EXT2: variants seen among roughly 807,000 people sequenced by gnomAD.
EXT2 encodes the protein exostosin glycosyltransferase 2, also known as exostosin-2.
EXT2 carries 53 observed loss-of-function variants against 81.6 expected under a neutral mutation model. The ratio of observed to expected loss-of-function variants is 0.65; its 90% CI spans 0.52 to 0.82. The LOEUF (loss-of-function observed/expected upper bound fraction) is 0.82, where lower values mean the gene tolerates loss of function less well. Ranked by LOEUF, EXT2 falls within the 40% of genes least tolerant of loss-of-function variation. The pLI is 0.00. For synonymous variants in EXT2, 320 were observed against 340.0 expected, an observed-to-expected ratio of 0.94 and a Z score of 0.65; for missense variants, 774 against 910.2, an observed-to-expected ratio of 0.85 and a Z score of 1.93.
intron 8 of EXT2, among the ~76,000 whole-genome samples, chr11:44,179,911 T>C (rs1472609611): frequency 6.6e-6 from 1 of 152,198 alleles, no homozygotes; most frequent in Non-Finnish European, 1.5e-5. Flanking sequence ...TGTCTCCCAA[T>C]TGATTAATAT....
intron 13 of EXT2, among the ~76,000 whole-genome samples, chr11:44,240,628 G>A (rs971833013): frequency 6.6e-6 from 1 of 152,184 alleles, no homozygotes; most frequent in Non-Finnish European, 1.5e-5. Flanking sequence ...AGTATGAGTC[G>A]ACAGTGAGGA....
At chr11:44,232,861 T>C (rs1308472024) in intron 11 of EXT2, among the ~76,000 whole-genome samples, 2 of 152,348 alleles carry the variant, frequency 1.3e-5, no homozygotes, top group East Asian at 1.9e-4. Context: ...CCTTTTCTCA[T>C]GTCATTGACA....
At chr11:44,169,205 G>C (rs771127470) in intron 7 of EXT2, among the ~76,000 whole-genome samples, 1 of 151,908 alleles carries the variant, frequency 6.6e-6, no homozygotes, top group African/African-American at 2.4e-5. Flanking sequence ...GGGTGACAGA[G>C]TGAGACTCTG....
intron 7 of EXT2, among the ~76,000 whole-genome samples, chr11:44,147,142 T>G (rs1954729209): frequency 6.6e-6 from 1 of 152,218 alleles, no homozygotes; most frequent in Non-Finnish European, 1.5e-5. Context: ...CAGCACATAC[T>G]TGTACACCCT....
chr11:44,162,826 G>A (rs1954945054), intron 7 of EXT2, among the ~76,000 whole-genome samples: 1 of 152,084 alleles, frequency 6.6e-6, no homozygotes, highest in African/African-American at 2.4e-5. Flanking sequence ...TCCAGGAGTT[G>A]CATGTGGAGA....
intron 11 of EXT2, 42 bp downstream of exon 11, chr11:44,232,538 A>G: frequency 6.2e-7 from 1 of 1,611,346 alleles, no homozygotes; most frequent in Non-Finnish European, 8.5e-7. Flanking sequence ...AACTGAGAGA[A>G]TGATACACAT....
rs992333007 is a variant in EXT2 at position 44,095,819 on chromosome 11, G to A, written c.-64G>A. The A allele has an allele frequency of 6.0e-6, 1 of 166,964 alleles. No individual in the cohort carries two copies. Among genetic ancestry groups the A allele is most frequent in the African/African-American group, 2.4e-5 (1 of 41,648 alleles). 10.3% of individuals were successfully genotyped at this position (166,964 alleles called of 1,614,324 possible). ...CCCCGCGGCATGAGCCGGTGACCAA[G>A]CTCGGGGCCGAGCGGGAGGCAGCCG... On this transcript the variant is annotated 5_prime_UTR_variant, in exon 1 of 14. Transcript: ENST00000533608.
In EXT2 at chr11:44,244,158, C is replaced by T. The variant is rs1956070319; in HGVS notation, c.2028C>T (p.Cys676=). The T allele has an allele frequency of 1.2e-6, 2 of 1,614,052 alleles. No homozygotes were observed. The highest frequency in any genetic ancestry group is 8.5e-7 in the Non-Finnish European group (1 of 1,179,932). The change falls in exon 14 of 14, where the codon TGC becomes TGT. Residue 676 remains cysteine, a synonymous_variant. Transcript: ENST00000533608. The stretch of plus-strand genomic sequence containing the variant: ...TCTCCAAATCCCACAGGTCAGAGTG[C>T]ATCAACAAGTTTGCTTCAGTCTTCG... ...DQTHMVERSE[C]INKFASVFGT... is the part of the protein sequence containing the mutation.
chr11:44,130,137 A>C lies in EXT2; in HGVS notation c.1172A>C (p.Gln391Pro). 3 of 1,613,564 alleles carry C rather than the reference A, an allele frequency of 1.9e-6. No individual in the cohort carries two copies. Among genetic ancestry groups the C allele is most frequent in the Non-Finnish European group, 1.7e-6 (2 of 1,179,490 alleles). ...AGACAGATTGAAGAAATGCAGAGAC[A>C]GGTAAGAGGCCAAGTCTTGGGGAGG... ...PQRQIEEMQR[Q>P]ARWFWEAYFQ... The change falls in exon 7 of 14, where the codon CAG becomes CCG. Residue 391 changes from glutamine to proline, a missense_variant and splice_region_variant. Physicochemically the swap from Gln to Pro is moderately conservative, Grantham distance 76. This residue lies in a region of EXT2 where 626 missense variants were observed against 670.5 expected (regional missense o/e 0.93). Coordinates refer to ENST00000533608, the MANE Select transcript of EXT2 (RefSeq NM_207122.2).
chr11:44,123,381 A>G (rs1954347319), intron 4 of EXT2, among the ~76,000 whole-genome samples: 1 of 152,118 alleles, frequency 6.6e-6, no homozygotes. Context: ...TAGCCCTAGT[A>G]TTTTCCCTGG....
intron 4 of EXT2, among the ~76,000 whole-genome samples, chr11:44,122,057 C>T (rs1954325812): frequency 6.6e-6 from 1 of 152,084 alleles, no homozygotes; most frequent in South Asian, 2.1e-4. Flanking sequence ...CTCTTGGATG[C>T]CCACCTGTTT....
intron 8 of EXT2, among the ~76,000 whole-genome samples, chr11:44,173,697 T>C (rs987955374): frequency 6.0e-5 from 9 of 151,142 alleles, no homozygotes; most frequent in Non-Finnish European, 8.8e-5. Flanking sequence ...GCCTCCCGAG[T>C]AGCTGGGACT....
chr11:44,159,751 A>G (rs755147604), intron 7 of EXT2, among the ~76,000 whole-genome samples: 1 of 152,118 alleles, frequency 6.6e-6, no homozygotes, highest in Non-Finnish European at 1.5e-5. Context: ...TAGGCCTTCA[A>G]TGGTATGGTG....
intron 10 of EXT2, among the ~76,000 whole-genome samples, chr11:44,225,471 G>T (rs1955828850): frequency 6.6e-6 from 1 of 152,136 alleles, no homozygotes; most frequent in African/African-American, 2.4e-5. Context: ...GGAGCAAAGG[G>T]TTTTTTCGTG....
chr11:44,110,552 A>AGAAGG (rs1386008618), intron 3 of EXT2, among the ~76,000 whole-genome samples: 12 of 152,170 alleles, frequency 7.9e-5, no homozygotes, highest in African/African-American at 2.9e-4. Context: ...TGGAGAACAG[A>AGAAGG]GAAGGGAAGG....
At chr11:44,190,791 G>A (rs986506491) in intron 8 of EXT2, among the ~76,000 whole-genome samples, 2 of 152,188 alleles carry the variant, frequency 1.3e-5, no homozygotes, top group South Asian at 2.1e-4. Context: ...AAGGCCACCC[G>A]TTTACCACCT....
chr11:44,206,273 A>G (rs1205722806), intron 9 of EXT2, among the ~76,000 whole-genome samples: 2 of 152,240 alleles, frequency 1.3e-5, no homozygotes, highest in African/African-American at 4.8e-5. Context: ...CGGCACATGC[A>G]CTATATTTCC....
intron 10 of EXT2, among the ~76,000 whole-genome samples, chr11:44,223,089 C>G (rs1955799554): frequency 6.6e-6 from 1 of 152,142 alleles, no homozygotes; most frequent in Non-Finnish European, 1.5e-5. Flanking sequence ...CATTACACAC[C>G]TATAAGAATG....
chr11:44,190,293 CT>C (rs1413733523), intron 8 of EXT2, among the ~76,000 whole-genome samples: 4 of 152,144 alleles, frequency 2.6e-5, no homozygotes, highest in African/African-American at 2.4e-5. Flanking sequence ...TAAATCAAAG[CT>C]TTTTTTCCCC....
Sources: gnomAD v4.1 joint callset for allele counts (sites outside exome capture counted in the v4.1 genomes callset) on GRCh38, gnomAD v4.1.1 for gene constraint, gnomAD v4.1.1 regional missense constraint, MANE v1.5 for transcripts, NCBI Gene and HGNC (gene_info 2026-07-23, HGNC 2026-07-21) for gene names.